ENAH: variants seen among roughly 807,000 people sequenced by gnomAD.
ENAH encodes the protein protein enabled homolog.
Under a neutral mutation model 78.7 loss-of-function variants are expected in ENAH, and 23 were observed. The ratio of observed to expected loss-of-function variants is 0.29; its 90% CI spans 0.21 to 0.41. The LOEUF is 0.41. ENAH is among the 10% of genes least tolerant of loss of function. The pLI is 1.00. For missense variants in ENAH, 544 were observed against 691.0 expected (o/e 0.79, Z 2.39); for synonymous variants, 226 against 241.0 (o/e 0.94, Z 0.58).
At chr1:225,541,005 T>C (rs1468718409) in intron 3 of ENAH, among the ~76,000 whole-genome samples, 3 of 152,226 alleles carry the variant, frequency 2.0e-5, no homozygotes, top group Non-Finnish European at 4.4e-5. Flanking sequence ...TCCATTTATA[T>C]AAAACGTCAA....
chr1:225,518,525 A>C (rs577743994), intron 5 of ENAH, among the ~76,000 whole-genome samples: 4 of 152,282 alleles, frequency 2.6e-5, no homozygotes, highest in South Asian at 4.1e-4. Context: ...TTAACTTAAT[A>C]AACCAACCAA....
intron 1 of ENAH, among the ~76,000 whole-genome samples, chr1:225,627,798 G>A (rs1039186504): frequency 1.3e-5 from 2 of 152,092 alleles, no homozygotes; most frequent in Admixed American, 1.3e-4. Flanking sequence ...ACTTTCAGAC[G>A]CCTCCAGACA....
intron 1 of ENAH, among the ~76,000 whole-genome samples, chr1:225,593,598 G>A (rs569924496): frequency 6.6e-6 from 1 of 152,260 alleles, no homozygotes; most frequent in South Asian, 2.1e-4. Context: ...AGCTAAGAGT[G>A]ATTTGGGAAT....
At chr1:225,624,484 T>C (rs191754908) in intron 1 of ENAH, among the ~76,000 whole-genome samples, 110 of 151,416 alleles carry the variant, frequency 7.3e-4, no homozygotes, top group African/African-American at 2.7e-3. Flanking sequence ...ATTAGCTGGG[T>C]GGGGTGGTAG....
chr1:225,606,414 G>A lies in ENAH; in HGVS notation c.6-39000C>T, dbSNP rs2657566. On this transcript the variant is annotated intron_variant, in intron 1 of 13. Transcript: ENST00000366843. The stretch of plus-strand genomic sequence containing the variant: ...GCAGAGGTTGCAGTGAGCTGAGAAC[G>A]CACCACTGCACTCCAGCCTGGGCAA... Among the ~76,000 whole-genome samples the A allele has an allele frequency of 5.4e-3, 769 of 141,428 alleles. 7 individuals are homozygous for A. Among genetic ancestry groups the A allele is most frequent in the African/African-American group, 0.019 (735 of 37,784 alleles). The allele number at this position is 141,428 out of a possible 152,430, so 92.8% of individuals were successfully genotyped here.
chr1:225,571,123 A>C (rs2096760127), intron 1 of ENAH, among the ~76,000 whole-genome samples: 1 of 151,736 alleles, frequency 6.6e-6, no homozygotes, highest in South Asian at 2.1e-4. Context: ...TCGTGCCTGT[A>C]AACTCAGCAC....
chr1:225,649,091 T>C (rs1302749727), intron 1 of ENAH, among the ~76,000 whole-genome samples: 2 of 152,184 alleles, frequency 1.3e-5, no homozygotes, highest in Non-Finnish European at 2.9e-5. Context: ...CTTACCAGTG[T>C]ATAAAGTACC....
At chr1:225,569,051 T>C (rs187351302) in intron 1 of ENAH, among the ~76,000 whole-genome samples, 25 of 152,320 alleles carry the variant, frequency 1.6e-4, no homozygotes, top group Admixed American at 3.3e-4. Flanking sequence ...AAAGGGCATG[T>C]GTCAGTAGCA....
chr1:225,586,709 G>A (rs1031724700), intron 1 of ENAH, among the ~76,000 whole-genome samples: 4 of 152,086 alleles, frequency 2.6e-5, no homozygotes, highest in Admixed American at 6.6e-5. Context: ...CAGAATAAAG[G>A]AGAAGAACAA....
In ENAH at chr1:225,494,342, C is replaced by T. The variant is rs1329793264; in HGVS notation, c.*3433G>A. On this transcript the variant is annotated 3_prime_UTR_variant, in exon 14 of 14. Coordinates refer to ENST00000366843, the MANE Select transcript of ENAH (RefSeq NM_018212.6). The stretch of plus-strand genomic sequence containing the variant: ...TATGTAGGTTTTAAGAAATCAGCAT[C>T]ATGTATAAACACTATACATATTTTG... 1 of 152,048 alleles carries T rather than the reference C, an allele frequency of 6.6e-6. No homozygotes were observed. The highest frequency in any genetic ancestry group is 1.5e-5 in the Non-Finnish European group (1 of 67,996). 9.4% of individuals were successfully genotyped at this position (152,048 alleles called of 1,614,324 possible).
chr1:225,504,410 G>A (rs1290298132), intron 11 of ENAH, among the ~76,000 whole-genome samples: 1 of 152,116 alleles, frequency 6.6e-6, no homozygotes, highest in East Asian at 1.9e-4. Context: ...AATTAATTGT[G>A]TAAGTAACTG....
At chr1:225,499,779 G>A (rs1480986421) in intron 12 of ENAH, among the ~76,000 whole-genome samples, 2 of 152,204 alleles carry the variant, frequency 1.3e-5, no homozygotes, top group Admixed American at 6.5e-5. Context: ...CTGTCCTTTG[G>A]AAGAATTAGT....
intron 10 of ENAH, among the ~76,000 whole-genome samples, chr1:225,510,055 T>C (rs1013766930): frequency 7.9e-5 from 12 of 152,248 alleles, no homozygotes; most frequent in Non-Finnish European, 1.5e-4. Context: ...CACACCTGTG[T>C]GTCTCATCTT....
chr1:225,575,251 C>A (rs1302329740), intron 1 of ENAH, among the ~76,000 whole-genome samples: 5 of 152,166 alleles, frequency 3.3e-5, no homozygotes, highest in African/African-American at 4.8e-5. Flanking sequence ...TTTGGGCCCT[C>A]CCTAGTTCCT....
At position 225,555,098 on chromosome 1, in the gene ENAH, T is replaced by C; in HGVS notation, c.172-15A>G. On this transcript the variant is annotated splice_polypyrimidine_tract_variant and intron_variant, in intron 2 of 13. Transcript: ENST00000366843. ...TTTATCACGACCTAAAAAATAATAATTCTTTATAAAGTCAAACCAATAATT... is the reference window on the plus strand; with the variant it reads ...TTTATCACGACCTAAAAAATAATAACTCTTTATAAAGTCAAACCAATAATT... 1 of 1,505,754 alleles carries C rather than the reference T, an allele frequency of 6.6e-7. No individual in the cohort carries two copies. The highest frequency in any genetic ancestry group is 9.0e-7 in the Non-Finnish European group (1 of 1,107,172). 93.3% of individuals were successfully genotyped at this position (1,505,754 alleles called of 1,614,324 possible).
intron 6 of ENAH, among the ~76,000 whole-genome samples, chr1:225,516,821 C>T (rs1490725841): frequency 6.6e-6 from 1 of 151,192 alleles, no homozygotes; most frequent in Non-Finnish European, 1.5e-5. Flanking sequence ...TTGCAGTGAG[C>T]TGAGATCGTG....
At chr1:225,568,366 A>G (rs1451596041) in intron 1 of ENAH, among the ~76,000 whole-genome samples, 2 of 152,232 alleles carry the variant, frequency 1.3e-5, no homozygotes, top group African/African-American at 4.8e-5. Flanking sequence ...CCCCGTCTCT[A>G]TATTTAAAAT....
rs4653422 is a variant in ENAH, at chr1:225,491,933, G to C, written c.*5842C>G. On this transcript the variant is annotated 3_prime_UTR_variant, in exon 14 of 14. Transcript: ENST00000366843. ...AAGAAATCTTTCTTGGAATTGAAGG[G>C]AACAGTTAAATCAGATTTACATGAT... is the stretch of plus-strand genomic sequence containing the variant. The C allele has an allele frequency of 6.6e-6, 1 of 152,052 alleles. No individual in the cohort carries two copies. The highest frequency in any genetic ancestry group is 1.5e-5 in the Non-Finnish European group (1 of 68,012). The allele number at this position is 152,052 out of a possible 1,614,324, so 9.4% of individuals were successfully genotyped here. A position where few individuals can be genotyped will look rare whatever the true frequency, so the allele number is the denominator to read the frequency against.
chr1:225,494,077 A>AAC lies in ENAH; in HGVS notation c.*3697_*3698insGT, dbSNP rs2096237424. On this transcript the variant is annotated 3_prime_UTR_variant, in exon 14 of 14. Transcript: ENST00000366843. ...GACAGGCTAGAGCAAAAAAAAAAAAAAAAAAACAGCTGAAAATTTTACAAC... is the reference window on the plus strand; with the variant it reads ...GACAGGCTAGAGCAAAAAAAAAAAAAACAAAAAACAGCTGAAAATTTTACAAC... 1.3e-5 allele frequency: 2 copies of AAC among 150,880 alleles called. No individual in the cohort carries two copies. The highest frequency in any genetic ancestry group is 1.9e-4 in the East Asian group (1 of 5,168). The allele number at this position is 150,880 out of a possible 1,614,324, so 9.3% of individuals were successfully genotyped here.
Sources: gnomAD v4.1 joint callset for allele counts (sites outside exome capture counted in the v4.1 genomes callset) on GRCh38, gnomAD v4.1.1 for gene constraint, MANE v1.5 for transcripts, NCBI Gene and HGNC (gene_info 2026-07-23, HGNC 2026-07-21) for gene names.